NRXN3: variants seen among roughly 807,000 people sequenced by gnomAD.
NRXN3 encodes neurexin 3.
NRXN3 carries 32 observed loss-of-function variants against 137.6 expected under a neutral mutation model. The observed-to-expected ratio is 0.23, with a 90% confidence interval of 0.18 to 0.31. NRXN3 has a LOEUF of 0.31. Ranked by LOEUF, NRXN3 falls within the 10% of genes least tolerant of loss-of-function variation. NRXN3 has a pLI of 1.00. For synonymous variants in NRXN3, 798 were observed against 784.5 expected (o/e 1.02, Z -0.29); for missense variants, 1,574 against 2,062.5 (o/e 0.76, Z 4.59).
intron 4 of NRXN3, among the ~76,000 whole-genome samples, chr14:78,554,763 C>T (rs189171283): frequency 2.0e-5 from 3 of 147,416 alleles, no homozygotes; most frequent in East Asian, 2.1e-4. Context: ...TTTTAGCGTT[C>T]GTGGGCCAGT....
At chr14:78,505,200 T>A (rs2095963540) in intron 4 of NRXN3, among the ~76,000 whole-genome samples, 1 of 152,056 alleles carries the variant, frequency 6.6e-6, no homozygotes, top group African/African-American at 2.4e-5. Flanking sequence ...GTTTTTTTTT[T>A]AAGATGAGGT....
At chr14:79,673,514 G>T (rs897598124) in intron 17 of NRXN3, among the ~76,000 whole-genome samples, 1 of 152,076 alleles carries the variant, frequency 6.6e-6, no homozygotes, top group Non-Finnish European at 1.5e-5. Flanking sequence ...TCAAACAGCA[G>T]AAACACTGTA....
At chr14:79,198,231 T>C (rs1341401375) in intron 15 of NRXN3, among the ~76,000 whole-genome samples, 2 of 152,242 alleles carry the variant, frequency 1.3e-5, no homozygotes, top group Non-Finnish European at 2.9e-5. Context: ...ATTGCAAATA[T>C]TCAGTTTTGC....
Position 79,868,180 on chromosome 14 carries a change from G to A in NRXN3, c.*6216G>A, listed in dbSNP as rs1038745355. On this transcript the variant is annotated 3_prime_UTR_variant, in exon 21 of 21. Coordinates refer to ENST00000335750, the MANE Select transcript of NRXN3 (RefSeq NM_001330195.2). ...AATTATCCTTAAATAAATGTTGGTC[G>A]TTATTACAATTGGCTTTGTTACTTG... is the stretch of plus-strand genomic sequence containing the variant. The A allele has an allele frequency of 5.9e-5, 9 of 152,110 alleles. No homozygotes were observed. The highest frequency in any genetic ancestry group is 3.9e-4 in the East Asian group (2 of 5,194). The allele number at this position is 152,110 out of a possible 1,614,324, so 9.4% of individuals were successfully genotyped here. A position where few individuals can be genotyped will look rare whatever the true frequency, so the allele number is the denominator to read the frequency against.
At chr14:78,636,138 C>G (rs1566943575) in intron 4 of NRXN3, among the ~76,000 whole-genome samples, 1 of 152,148 alleles carries the variant, frequency 6.6e-6, no homozygotes, top group Admixed American at 6.5e-5. Flanking sequence ...GTGTAATAGA[C>G]ATAAGAGTCA....
chr14:79,732,443 A>G lies in NRXN3; in HGVS notation c.4014+34506A>G, dbSNP rs566018960. ...AAGCGGTCCTATCTGGTTGGCCTCA[A>G]TTGTGCCTCTCAGGCTTGTATCTCA... is the stretch of plus-strand genomic sequence containing the variant. On this transcript the variant is annotated intron_variant, in intron 19 of 20. Transcript: ENST00000335750. Among the ~76,000 whole-genome samples, 653 of 152,282 alleles carry G rather than the reference A, an allele frequency of 4.3e-3. 6 individuals carry two copies. The highest frequency in any genetic ancestry group is 7.9e-3 in the Non-Finnish European group (536 of 68,028).
intron 4 of NRXN3, among the ~76,000 whole-genome samples, chr14:78,380,341 T>A (rs1358815142): frequency 6.9e-6 from 1 of 145,932 alleles, no homozygotes; most frequent in African/African-American, 2.5e-5. Flanking sequence ...TGTGTTTACA[T>A]CTTAATCCCT....
intron 3 of NRXN3, among the ~76,000 whole-genome samples, chr14:78,290,528 A>G: frequency 6.6e-6 from 1 of 152,154 alleles, no homozygotes; most frequent in Admixed American, 6.5e-5. Context: ...ACTACTCAGG[A>G]GGCTGAGGTG....
intron 4 of NRXN3, among the ~76,000 whole-genome samples, chr14:78,621,232 G>A (rs910322104): frequency 1.3e-5 from 2 of 152,038 alleles, no homozygotes; most frequent in Admixed American, 6.6e-5. Context: ...TAGATGAGAG[G>A]CACAAAGAAA....
chr14:78,240,083 C>A (rs1596290305), intron 1 of NRXN3, among the ~76,000 whole-genome samples: 1 of 152,172 alleles, frequency 6.6e-6, no homozygotes, highest in African/African-American at 2.4e-5. Context: ...ATACTCCTTG[C>A]CTGTTTATTT....
At chr14:79,824,947 T>A (rs2293822) in intron 20 of NRXN3, among the ~76,000 whole-genome samples, 91,411 of 152,064 alleles carry the variant, frequency 0.6, 27,932 homozygotes, top group African/African-American at 0.72. Flanking sequence ...CATGAAAAAC[T>A]GATAATGTAC....
intron 10 of NRXN3, among the ~76,000 whole-genome samples, chr14:78,932,808 A>G (rs1053339918): frequency 6.6e-6 from 1 of 152,182 alleles, no homozygotes; most frequent in Non-Finnish European, 1.5e-5. Flanking sequence ...ACCTTTATAT[A>G]TATTTTTTAT....
intron 4 of NRXN3, among the ~76,000 whole-genome samples, chr14:78,544,450 T>A (rs149463454): frequency 6.6e-6 from 1 of 152,286 alleles, no homozygotes; most frequent in East Asian, 1.9e-4. Flanking sequence ...AGTACTTATT[T>A]CCATGGATCA....
At chr14:78,928,863 G>A (rs749911548) in intron 10 of NRXN3, among the ~76,000 whole-genome samples, 7 of 152,012 alleles carry the variant, frequency 4.6e-5, no homozygotes, top group Non-Finnish European at 8.8e-5. Context: ...TCTAGATTGA[G>A]GAATTGCCAC....
intron 15 of NRXN3, among the ~76,000 whole-genome samples, chr14:79,386,738 T>C (rs1172100367): frequency 2.0e-5 from 3 of 150,994 alleles, no homozygotes. Context: ...AGCATGGTAC[T>C]GGTACCAAAA....
At chr14:79,477,733 T>G (rs965801404) in intron 16 of NRXN3, among the ~76,000 whole-genome samples, 7 of 152,092 alleles carry the variant, frequency 4.6e-5, no homozygotes, top group African/African-American at 1.7e-4. Context: ...AGCAGGGTCT[T>G]GAGTAAGTGT....
At chr14:79,825,702 T>C (rs1309661645) in intron 20 of NRXN3, among the ~76,000 whole-genome samples, 4 of 152,320 alleles carry the variant, frequency 2.6e-5, no homozygotes, top group African/African-American at 9.6e-5. Context: ...TAGATTTTCA[T>C]GTTATATAGT....
intron 19 of NRXN3, among the ~76,000 whole-genome samples, chr14:79,711,978 C>A (rs114280446): frequency 1.3e-5 from 2 of 152,144 alleles, no homozygotes; most frequent in Admixed American, 6.5e-5. Context: ...TTCACCTCCC[C>A]CTTCTGCCCA....
rs371194563 is a variant in NRXN3 at position 78,243,273 on chromosome 14, T to C, written c.180T>C (p.Ser60=). ...DLSFQFKTNV[S]TGLLLYLDDG... ...GTTTCCAGTTCAAGACCAACGTCTCTACGGGGCTGCTCCTCTACCTGGATG... is the reference window on the plus strand; with the variant it reads ...GTTTCCAGTTCAAGACCAACGTCTCCACGGGGCTGCTCCTCTACCTGGATG... The change falls in exon 2 of 21, where the codon TCT becomes TCC. Residue 60 remains serine, a synonymous_variant. Transcript: ENST00000335750. This position sits in a 1 kb window ranked among gnomAD's most constrained non-coding sequence, Gnocchi z 4.2. 5 of 1,561,468 alleles carry C rather than the reference T, an allele frequency of 3.2e-6. No homozygotes were observed. Among genetic ancestry groups the C allele is most frequent in the East Asian group, 2.3e-5 (1 of 42,840 alleles).
Sources: allele counts gnomAD v4.1 joint callset (sites outside exome capture counted in the v4.1 genomes callset), GRCh38; gene constraint gnomAD v4.1.1; non-coding constraint Gnocchi (gnomAD v3.1); transcripts MANE v1.5; gene names NCBI Gene and HGNC (gene_info 2026-07-23, HGNC 2026-07-21).